BAIAP2L1: variants seen among roughly 807,000 people sequenced by gnomAD.
The protein encoded by BAIAP2L1 is BAR/IMD domain-containing adapter protein 2-like 1.
A neutral mutation model predicts 66.3 loss-of-function variants in BAIAP2L1; 35 were observed. The ratio of observed to expected loss-of-function variants is 0.53; its 90% CI spans 0.40 to 0.70. BAIAP2L1 has a LOEUF of 0.70. Among genes scored for constraint, BAIAP2L1 ranks in the 30% least tolerant of loss-of-function variants. The pLI is 0.00. For synonymous variants in BAIAP2L1, 269 were observed against 248.7 expected (o/e 1.08, Z -0.77); for missense variants, 622 against 656.9 (o/e 0.95, Z 0.58).
At chr7:98,398,221 TA>T (rs199939591) in intron 1 of BAIAP2L1, among the ~76,000 whole-genome samples, 2,973 of 152,230 alleles carry the variant, frequency 0.02, 96 homozygotes, top group African/African-American at 0.068. Context: ...CATCTCTTCT[TA>T]AAAGCACTAG....
chr7:98,304,851 T>TG (rs1187211074), intron 11 of BAIAP2L1, among the ~76,000 whole-genome samples: 3 of 150,130 alleles, frequency 2.0e-5, no homozygotes, highest in Non-Finnish European at 4.4e-5. Context: ...TTTCTAAACA[T>TG]ATCCTCACAA....
chr7:98,306,918 A>T (rs562648405), intron 10 of BAIAP2L1: 16 of 169,322 alleles, frequency 9.4e-5, no homozygotes, highest in Non-Finnish European at 1.8e-4. Context: ...GATTTGGATT[A>T]CCCCTTTTTT....
At chr7:98,324,985 C>G (rs1285248824) in intron 3 of BAIAP2L1, among the ~76,000 whole-genome samples, 1 of 152,228 alleles carries the variant, frequency 6.6e-6, no homozygotes, top group Non-Finnish European at 1.5e-5. Flanking sequence ...TCACGCACTA[C>G]TTCCTACACA....
chr7:98,390,364 C>T (rs1803006077), intron 1 of BAIAP2L1, among the ~76,000 whole-genome samples: 1 of 151,936 alleles, frequency 6.6e-6, no homozygotes, highest in South Asian at 2.1e-4. Context: ...AACATTATGT[C>T]CATTAAAACG....
intron 10 of BAIAP2L1, chr7:98,306,925 T>G (rs1392222237): frequency 5.9e-6 from 1 of 168,398 alleles, no homozygotes; most frequent in East Asian, 1.7e-4. Context: ...ATTACCCCTT[T>G]TTTTTTCCAT....
At chr7:98,370,321 C>G (rs530394282) in intron 1 of BAIAP2L1, among the ~76,000 whole-genome samples, 2 of 134,396 alleles carry the variant, frequency 1.5e-5, no homozygotes, top group African/African-American at 5.5e-5. Context: ...TTGCAGTGAG[C>G]TGAGATTGCG....
At chr7:98,322,741 TC>T (rs1223862958) in intron 3 of BAIAP2L1, 1 of 152,312 alleles carries the variant, frequency 6.6e-6, no homozygotes, top group Admixed American at 6.5e-5. Context: ...AATGCCTGCT[TC>T]CATCCCTCAT....
intron 1 of BAIAP2L1, among the ~76,000 whole-genome samples, chr7:98,376,537 T>C (rs6961438): frequency 0.38 from 57,284 of 150,920 alleles, 12,367 homozygotes; most frequent in Middle Eastern, 0.54. Context: ...AACCAACCCA[T>C]TGGCTGGGAG....
At chr7:98,321,595 T>G (rs1801249337) in intron 3 of BAIAP2L1, among the ~76,000 whole-genome samples, 1 of 152,176 alleles carries the variant, frequency 6.6e-6, no homozygotes, top group African/African-American at 2.4e-5. Flanking sequence ...TCTGCCACCT[T>G]TCTACAGGTG....
At chr7:98,370,071 C>T (rs946065153) in intron 1 of BAIAP2L1, among the ~76,000 whole-genome samples, 1 of 151,918 alleles carries the variant, frequency 6.6e-6, no homozygotes. Flanking sequence ...TAACACCATA[C>T]ACAAATCCCT....
Position 98,293,360 on chromosome 7 carries a change from C to T in BAIAP2L1, c.*161G>A, listed in dbSNP as rs1351526839. Reference sequence around the variant, plus strand: ...TCTTAAAGGCAGAAACTTGTCAACCCAACTACGTGAAACAGAGAAGCATGA... The same window carrying T: ...TCTTAAAGGCAGAAACTTGTCAACCTAACTACGTGAAACAGAGAAGCATGA... On this transcript the variant is annotated 3_prime_UTR_variant, in exon 14 of 14. Coordinates refer to ENST00000005260, the MANE Select transcript of BAIAP2L1 (RefSeq NM_018842.5). 11 of 647,112 alleles carry T rather than the reference C, an allele frequency of 1.7e-5. No homozygotes were observed. Among genetic ancestry groups the T allele is most frequent in the Admixed American group, 5.6e-5 (2 of 35,766 alleles). 40.1% of individuals were successfully genotyped at this position (647,112 alleles called of 1,614,324 possible). A position where few individuals can be genotyped will look rare whatever the true frequency, so the allele number is the denominator to read the frequency against.
chr7:98,385,240 G>A (rs1006638949), intron 1 of BAIAP2L1, among the ~76,000 whole-genome samples: 10 of 151,786 alleles, frequency 6.6e-5, no homozygotes, highest in Non-Finnish European at 7.4e-5. Context: ...CCCAGGAGGC[G>A]GAGGCTGCAG....
At chr7:98,303,764 G>A (rs1021231432) in intron 12 of BAIAP2L1, among the ~76,000 whole-genome samples, 1 of 152,198 alleles carries the variant, frequency 6.6e-6, no homozygotes, top group African/African-American at 2.4e-5. Context: ...TAGGGTTAAA[G>A]ATAACATCCA....
At chr7:98,353,266 A>T (rs1802038405) in intron 3 of BAIAP2L1, among the ~76,000 whole-genome samples, 2 of 148,816 alleles carry the variant, frequency 1.3e-5, no homozygotes, top group Non-Finnish European at 3.0e-5. Context: ...AGGCAGGGGG[A>T]ATCCTAGAGG....
In BAIAP2L1 at chr7:98,362,389, T is replaced by C. The variant is rs553683865; in HGVS notation, c.95A>G (p.Asn32Ser). The C allele has an allele frequency of 3.7e-6, 6 of 1,613,154 alleles. No individual in the cohort carries two copies. In the South Asian group the frequency reaches 6.6e-5, roughly 18 times the overall value. Reference protein sequence around the residue: ...QFNPGLRNLINLGKNYEKAVN... With the variant: ...QFNPGLRNLISLGKNYEKAVN... ...AGCTTTCTCATAATTTTTCCCCAGG[T>C]TTATTAAATTTCGCAGCCCAGGATT... Residue 32 changes from asparagine to serine, a missense_variant, in exon 2 of 14, where the codon AAC (asparagine) becomes AGC (serine). Transcript: ENST00000005260.
intron 1 of BAIAP2L1, 115 bp from the exon 2 acceptor site, chr7:98,362,547 A>G (rs1802295283): frequency 1.3e-6 from 1 of 762,108 alleles, no homozygotes; most frequent in Admixed American, 2.7e-5. Flanking sequence ...CACAGTCTAC[A>G]AAGTAATGAA....
intron 1 of BAIAP2L1, among the ~76,000 whole-genome samples, chr7:98,369,021 T>C (rs1802451405): frequency 6.6e-6 from 1 of 152,000 alleles, no homozygotes; most frequent in African/African-American, 2.4e-5. Flanking sequence ...GGCACGTGTT[T>C]AACTTTTTAA....
At chr7:98,385,484 A>G (rs1175888134) in intron 1 of BAIAP2L1, among the ~76,000 whole-genome samples, 1 of 151,994 alleles carries the variant, frequency 6.6e-6, no homozygotes. Context: ...GCAGTGGCGC[A>G]ATCTCTGCTC....
At chr7:98,394,602 G>T (rs554518499) in intron 1 of BAIAP2L1, among the ~76,000 whole-genome samples, 1 of 152,316 alleles carries the variant, frequency 6.6e-6, no homozygotes, top group South Asian at 2.1e-4. Flanking sequence ...CAAGGATGAA[G>T]AGCAACTGGA....
Sources: gnomAD v4.1 joint callset for allele counts (sites outside exome capture counted in the v4.1 genomes callset) on GRCh38, gnomAD v4.1.1 for gene constraint, MANE v1.5 for transcripts, NCBI Gene and HGNC (gene_info 2026-07-23, HGNC 2026-07-21) for gene names.